TLK1: variants seen among roughly 807,000 people sequenced by gnomAD.
The protein encoded by TLK1 is tousled like kinase 1.
A neutral mutation model predicts 105.3 loss-of-function variants in TLK1; 24 were observed. The ratio of observed to expected loss-of-function variants is 0.23; its 90% CI spans 0.17 to 0.32. The LOEUF is 0.32. Among genes scored for constraint, TLK1 ranks in the 10% least tolerant of loss-of-function variants. The pLI, the probability that TLK1 is intolerant of heterozygous loss-of-function variation, is 1.00. For missense variants in TLK1, 558 were observed against 910.5 expected (o/e 0.61, Z 4.98); for synonymous variants, 321 against 310.4 (o/e 1.03, Z -0.36).
intron 11 of TLK1, among the ~76,000 whole-genome samples, chr2:171,042,927 G>A (rs944112737): frequency 6.6e-6 from 1 of 151,942 alleles, no homozygotes; most frequent in African/African-American, 2.4e-5. Flanking sequence ...TGAGAAATAA[G>A]GTTTACATAA....
intron 11 of TLK1, among the ~76,000 whole-genome samples, chr2:171,035,935 A>G (rs1575537089): frequency 6.6e-6 from 1 of 152,234 alleles, no homozygotes. Flanking sequence ...ATTTGATTTT[A>G]GCCCAAATGA....
chr2:171,164,443 C>G (rs1342658117), upstream of TLK1, among the ~76,000 whole-genome samples: 1 of 152,160 alleles, frequency 6.6e-6, no homozygotes, highest in East Asian at 1.9e-4. Flanking sequence ...CACTTGAACA[C>G]AAGAGTTCAA....
intron 3 of TLK1, among the ~76,000 whole-genome samples, chr2:171,065,106 G>GT (rs1392242315): frequency 6.6e-6 from 1 of 152,104 alleles, no homozygotes; most frequent in Non-Finnish European, 1.5e-5. Context: ...TGCTGTTACA[G>GT]TATGAGGGAC....
rs555625885 is a variant in TLK1 at position 171,152,692 on chromosome 2, G to A, written c.139+7598C>T. Reference sequence around the variant, plus strand: ...GCATTATAATTTAGTTTAAAGCCTTGTCCATCAGGTTATAAAGCCTCCACA... The same window carrying A: ...GCATTATAATTTAGTTTAAAGCCTTATCCATCAGGTTATAAAGCCTCCACA... On this transcript the variant is annotated intron_variant, in intron 1 of 20. Coordinates refer to ENST00000431350, the MANE Select transcript of TLK1 (RefSeq NM_012290.5). Among the ~76,000 whole-genome samples, 31 of 152,222 alleles carry A rather than the reference G, an allele frequency of 2.0e-4. No individual in the cohort carries two copies. In the South Asian group the frequency reaches 6.2e-3, roughly 31 times the overall value.
In TLK1 at chr2:171,041,085, G is replaced by C. The variant is rs185650026; in HGVS notation, c.1169+5089C>G. ...ATCTTGGTTAAAATGTATTAGTAAA[G>C]GAAAATCAATGTAAGTGTCAACAGA... On this transcript the variant is annotated intron_variant, in intron 11 of 20. Coordinates refer to ENST00000431350, the MANE Select transcript of TLK1 (RefSeq NM_012290.5). Among the ~76,000 whole-genome samples, 61 of 152,146 alleles carry C rather than the reference G, an allele frequency of 4.0e-4. 1 individual carries two copies. In the East Asian group the frequency reaches 5.8e-3, roughly 14 times the overall value.
intron 1 of TLK1, among the ~76,000 whole-genome samples, chr2:171,153,358 T>A (rs1692115928): frequency 6.6e-6 from 1 of 152,198 alleles, no homozygotes; most frequent in Non-Finnish European, 1.5e-5. Context: ...GTTACTGTTA[T>A]CCATATCACC....
At chr2:171,120,248 GAAAAA>G (rs71008751) in intron 1 of TLK1, among the ~76,000 whole-genome samples, 7 of 47,058 alleles carry the variant, frequency 1.5e-4, no homozygotes, top group East Asian at 9.0e-4. Context: ...GACTCCGTCA[GAAAAA>G]AAAAAAAAAA....
intron 1 of TLK1, among the ~76,000 whole-genome samples, chr2:171,157,918 T>TA (rs1027986717): frequency 1.5e-4 from 23 of 152,344 alleles, no homozygotes; most frequent in African/African-American, 5.5e-4. Flanking sequence ...CCGTGATACA[T>TA]ACAATACATT....
At position 171,204,768 on chromosome 2, in the gene TLK1, G is replaced by A. The variant is rs140410313; in HGVS notation, c.-6+26377C>T. Among the ~76,000 whole-genome samples, 53 of 152,204 alleles carry A rather than the reference G, an allele frequency of 3.5e-4. No individual in the cohort carries two copies. In the East Asian group the frequency reaches 9.5e-3, roughly 27 times the overall value. The stretch of plus-strand genomic sequence containing the variant: ...ACGGTCAGGAGTTTGAGACCAGCCT[G>A]GCTAACATGGTGAAACCCCATTTCT... On this transcript the variant is annotated intron_variant, in intron 1 of 20. Coordinates refer to the TLK1 transcript ENST00000521943.
At chr2:171,036,328 C>A (rs1686333066) in intron 11 of TLK1, among the ~76,000 whole-genome samples, 1 of 152,058 alleles carries the variant, frequency 6.6e-6, no homozygotes, top group African/African-American at 2.4e-5. Context: ...ACCTGTAAAC[C>A]CCAGCTATTT....
intron 1 of TLK1, among the ~76,000 whole-genome samples, chr2:171,200,726 TA>T (rs1215737856): frequency 6.6e-6 from 1 of 152,156 alleles, no homozygotes; most frequent in Non-Finnish European, 1.5e-5. Context: ...TTTTACAAAT[TA>T]TTTGGGAGAT....
chr2:171,200,294 C>T (rs775720029), intron 1 of TLK1, among the ~76,000 whole-genome samples: 1 of 152,104 alleles, frequency 6.6e-6, no homozygotes, highest in Admixed American at 6.5e-5. Flanking sequence ...TTCTACCCCC[C>T]CATCCTGTGT....
chr2:171,161,007 C>T, upstream of TLK1: 1 of 138,012 alleles, frequency 7.2e-6, no homozygotes, highest in Non-Finnish European at 1.3e-5. Flanking sequence ...GCCGCGGGAG[C>T]AGGCTTGGGG....
chr2:171,150,964 T>C (rs182924435), intron 1 of TLK1, among the ~76,000 whole-genome samples: 26 of 152,242 alleles, frequency 1.7e-4, no homozygotes, highest in African/African-American at 5.8e-4. Flanking sequence ...GTTAAGAGCA[T>C]GTACTCAGCC....
intron 1 of TLK1, among the ~76,000 whole-genome samples, chr2:171,145,388 G>A (rs1046541297): frequency 4.6e-5 from 7 of 152,046 alleles, no homozygotes; most frequent in Non-Finnish European, 7.4e-5. Context: ...TCAGGAGTTC[G>A]AGGCCAGCCT....
At chr2:171,140,180 A>G (rs1691516028) in intron 1 of TLK1, among the ~76,000 whole-genome samples, 1 of 152,148 alleles carries the variant, frequency 6.6e-6, no homozygotes, top group Non-Finnish European at 1.5e-5. Flanking sequence ...AAGAGGAGAA[A>G]AAGATTCAGA....
At chr2:171,021,867 AG>A (rs1685526007) in intron 12 of TLK1, among the ~76,000 whole-genome samples, 1 of 152,032 alleles carries the variant, frequency 6.6e-6, no homozygotes, top group African/African-American at 2.4e-5. Flanking sequence ...TGGGAGGCTG[AG>A]GTGGGTGGAT....
chr2:171,094,678 G>A (rs907413453), intron 2 of TLK1, among the ~76,000 whole-genome samples: 4 of 151,996 alleles, frequency 2.6e-5, no homozygotes, highest in Non-Finnish European at 5.9e-5. Context: ...GCGTGATCTC[G>A]GCTCACTGCA....
chr2:171,053,738 C>T (rs375182260), intron 8 of TLK1, 23 bp downstream of exon 8: 5 of 1,510,326 alleles, frequency 3.3e-6, no homozygotes, highest in Non-Finnish European at 3.6e-6. Context: ...CAATTTTTTT[C>T]CCCTCTATGA....
Sources: gnomAD v4.1 joint callset for allele counts (sites outside exome capture counted in the v4.1 genomes callset) on GRCh38, gnomAD v4.1.1 for gene constraint, MANE v1.5 for transcripts, NCBI Gene and HGNC (gene_info 2026-07-23, HGNC 2026-07-21) for gene names.